The following RANBP17 variants were observed in gnomAD, a reference collection of about 807,000 sequenced individuals.
RANBP17 encodes the protein RAN binding protein 17.
RANBP17 carries 158 observed loss-of-function variants against 141.2 expected under a neutral mutation model. That is an observed-to-expected ratio of 1.12 (90% CI 0.98 to 1.28). The LOEUF (loss-of-function observed/expected upper bound fraction) is 1.28. Ranked by LOEUF, RANBP17 falls within the 50% of genes most tolerant of loss-of-function variation. The probability of loss-of-function intolerance (pLI) is 0.00; values close to 1 mark genes in which losing one functional copy is unlikely to be tolerated. For missense variants in RANBP17, 1,438 were observed against 1,290.7 expected, an observed-to-expected ratio of 1.11 and a Z score of -1.75; for synonymous variants, 430 against 450.0, an observed-to-expected ratio of 0.96 and a Z score of 0.56.
At chr5:170,983,982 A>G (rs1000023412) in intron 14 of RANBP17, among the ~76,000 whole-genome samples, 1 of 152,198 alleles carries the variant, frequency 6.6e-6, no homozygotes, top group East Asian at 1.9e-4. Context: ...AAATCCAGAT[A>G]GGTTAGTATA....
intron 22 of RANBP17, among the ~76,000 whole-genome samples, chr5:171,237,248 A>G (rs139229400): frequency 6.6e-6 from 1 of 152,258 alleles, no homozygotes; most frequent in East Asian, 1.9e-4. Context: ...GGAGGTGAAG[A>G]AGGAGAACCC....
intron 14 of RANBP17, among the ~76,000 whole-genome samples, chr5:171,059,129 T>C (rs1186660890): frequency 1.3e-5 from 2 of 151,852 alleles, no homozygotes; most frequent in African/African-American, 2.4e-5. Flanking sequence ...TTCACTCTGA[T>C]GGTAGTTTCT....
intron 5 of RANBP17, chr5:170,903,727 T>C (rs1770851427): frequency 3.2e-6 from 1 of 311,734 alleles, no homozygotes. Context: ...AAAGTCGACC[T>C]CATAGTGAAT....
chr5:171,074,389 GA>G (rs1193270800), intron 14 of RANBP17, among the ~76,000 whole-genome samples: 1 of 152,158 alleles, frequency 6.6e-6, no homozygotes, highest in Non-Finnish European at 1.5e-5. Context: ...AATGCAAATG[GA>G]ATCCTAGATT....
chr5:171,280,206 T>A (rs1767768527), intron 25 of RANBP17, among the ~76,000 whole-genome samples: 1 of 152,212 alleles, frequency 6.6e-6, no homozygotes, highest in African/African-American at 2.4e-5. Flanking sequence ...GTGCTGGAAA[T>A]GTGAATCCAA....
At chr5:171,038,438 T>G (rs1561580941) in intron 14 of RANBP17, among the ~76,000 whole-genome samples, 2 of 152,146 alleles carry the variant, frequency 1.3e-5, no homozygotes, top group African/African-American at 2.4e-5. Flanking sequence ...ATGCCTTTTA[T>G]TTCATTCTCT....
At chr5:171,293,621 C>T (rs984598076) in intron 25 of RANBP17, among the ~76,000 whole-genome samples, 4 of 152,198 alleles carry the variant, frequency 2.6e-5, no homozygotes, top group Non-Finnish European at 4.4e-5. Flanking sequence ...GGCCCAGTGA[C>T]CTCTTGACTT....
intron 14 of RANBP17, among the ~76,000 whole-genome samples, chr5:171,021,635 C>T (rs959182565): frequency 7.2e-5 from 11 of 152,144 alleles, no homozygotes; most frequent in Admixed American, 2.0e-4. Context: ...ATTTATGTTC[C>T]TGTCTAAACT....
intron 13 of RANBP17, among the ~76,000 whole-genome samples, chr5:170,963,712 G>A (rs557609781): frequency 2.6e-5 from 4 of 152,162 alleles, no homozygotes; most frequent in East Asian, 1.9e-4. Flanking sequence ...GAGCTCAGGC[G>A]ATAATGCTTG....
At chr5:171,166,042 A>G (rs889940567) in intron 14 of RANBP17, among the ~76,000 whole-genome samples, 19 of 152,172 alleles carry the variant, frequency 1.2e-4, no homozygotes, top group African/African-American at 4.6e-4. Flanking sequence ...CATTTTAACC[A>G]TATATTCTTT....
chr5:170,933,845 A>G (rs1296256476), intron 12 of RANBP17, among the ~76,000 whole-genome samples: 1 of 151,580 alleles, frequency 6.6e-6, no homozygotes. Flanking sequence ...TATGTGGTCA[A>G]TTTTGGAATA....
At chr5:171,083,667 T>C (rs370875673) in intron 14 of RANBP17, among the ~76,000 whole-genome samples, 2 of 152,238 alleles carry the variant, frequency 1.3e-5, no homozygotes, top group Non-Finnish European at 2.9e-5. Flanking sequence ...GGTGTGGCTG[T>C]GTCCCCATCC....
At chr5:170,947,884 G>C (rs891578086) in intron 12 of RANBP17, among the ~76,000 whole-genome samples, 2 of 152,132 alleles carry the variant, frequency 1.3e-5, no homozygotes, top group African/African-American at 4.8e-5. Context: ...TTCTTGTAAA[G>C]GTTAGGCACA....
chr5:171,034,309 C>T (rs962352643), intron 14 of RANBP17, among the ~76,000 whole-genome samples: 1 of 152,096 alleles, frequency 6.6e-6, no homozygotes, highest in African/African-American at 2.4e-5. Context: ...AAGCCACTTA[C>T]ACATTACTCT....
intron 14 of RANBP17, among the ~76,000 whole-genome samples, chr5:171,009,178 A>C (rs962557115): frequency 1.3e-5 from 2 of 152,212 alleles, no homozygotes; most frequent in African/African-American, 4.8e-5. Flanking sequence ...ACTTGATTTC[A>C]GTGCCAATCT....
intron 12 of RANBP17, among the ~76,000 whole-genome samples, chr5:170,930,029 T>A (rs913314539): frequency 6.6e-6 from 1 of 152,208 alleles, no homozygotes. Flanking sequence ...TTGAGATTGA[T>A]AATTTTGTCA....
At chr5:171,250,065 C>T (rs1345073332) in intron 24 of RANBP17, among the ~76,000 whole-genome samples, 1 of 152,132 alleles carries the variant, frequency 6.6e-6, no homozygotes, top group Non-Finnish European at 1.5e-5. Context: ...CAGTGGATTT[C>T]TCAGGAGAAG....
chr5:171,210,889 C>T, intron 20 of RANBP17, among the ~76,000 whole-genome samples: 1 of 151,218 alleles, frequency 6.6e-6, no homozygotes, highest in East Asian at 2.0e-4. Flanking sequence ...CCTGTAGTCT[C>T]AGCTACTTGG....
chr5:171,236,884 T>A (rs1323270654), intron 22 of RANBP17, among the ~76,000 whole-genome samples: 1 of 152,212 alleles, frequency 6.6e-6, no homozygotes, highest in Non-Finnish European at 1.5e-5. Flanking sequence ...AAGCCCACAC[T>A]GTAAATCAGT....
Sources: gnomAD v4.1 joint callset for allele counts (sites outside exome capture counted in the v4.1 genomes callset) on GRCh38, gnomAD v4.1.1 for gene constraint, MANE v1.5 for transcripts, NCBI Gene and HGNC (gene_info 2026-07-23, HGNC 2026-07-21) for gene names.